The following LRBA variants were observed in gnomAD, a reference collection of about 807,000 sequenced individuals.
LRBA encodes LPS responsive beige-like anchor protein, also known as lipopolysaccharide-responsive and beige-like anchor protein.
In LRBA, 176 loss-of-function variants were observed where a neutral mutation model predicts 330.0. That is an observed-to-expected ratio of 0.53 (90% CI 0.47 to 0.60). LRBA has a LOEUF of 0.60. LRBA is among the 20% of genes least tolerant of loss of function. The pLI, the probability that LRBA is intolerant of heterozygous loss-of-function variation, is 0.00. For synonymous variants in LRBA, 1,230 were observed against 1,193.0 expected, an observed-to-expected ratio of 1.03 and a Z score of -0.64; for missense variants, 3,259 against 3,444.8, an observed-to-expected ratio of 0.95 and a Z score of 1.35.
chr4:150,691,083 C>A (rs2126952390), intron 36 of LRBA, among the ~76,000 whole-genome samples: 1 of 152,098 alleles, frequency 6.6e-6, no homozygotes, highest in South Asian at 2.1e-4. Context: ...GCGCCTGCCA[C>A]CATGCCCAGC....
chr4:150,962,578 G>A lies in LRBA; in HGVS notation c.217-33513C>T, dbSNP rs578173591. Among the ~76,000 whole-genome samples, 20 of 149,182 alleles carry A rather than the reference G, an allele frequency of 1.3e-4. 4 individuals are homozygous for A. Among genetic ancestry groups the A allele is most frequent in the African/African-American group, 4.7e-4 (18 of 38,654 alleles). On this transcript the variant is annotated intron_variant, in intron 2 of 56. Coordinates refer to ENST00000651943, the MANE Select transcript of LRBA (RefSeq NM_001364905.1). ...AAGCATAGAACTTTAAGGAAGTTCT[G>A]AGTAAGAAAAGCCTTTCTATGTATG...
intron 29 of LRBA, among the ~76,000 whole-genome samples, chr4:150,830,930 A>T (rs1165390206): frequency 1.3e-5 from 2 of 151,458 alleles, no homozygotes; most frequent in Non-Finnish European, 2.9e-5. Flanking sequence ...TGCCTGGCTA[A>T]TTTTTTGTAT....
At chr4:150,901,120 A>C (rs753804723) in intron 13 of LRBA, among the ~76,000 whole-genome samples, 2 of 152,008 alleles carry the variant, frequency 1.3e-5, no homozygotes, top group Non-Finnish European at 2.9e-5. Flanking sequence ...CAACATCGTG[A>C]AACTTCGTCT....
intron 37 of LRBA, among the ~76,000 whole-genome samples, chr4:150,665,803 A>G (rs1781507280): frequency 6.6e-6 from 1 of 152,218 alleles, no homozygotes. Context: ...ACAATTCAAT[A>G]TGGTTTTCTC....
At chr4:150,478,103 C>T (rs1756917561) in intron 42 of LRBA, among the ~76,000 whole-genome samples, 1 of 152,030 alleles carries the variant, frequency 6.6e-6, no homozygotes, top group Admixed American at 6.6e-5. Context: ...CTGGATGTAG[C>T]TCTAGTTCCT....
intron 53 of LRBA, among the ~76,000 whole-genome samples, chr4:150,299,643 T>C (rs577193789): frequency 1.4e-4 from 22 of 152,020 alleles, no homozygotes; most frequent in African/African-American, 5.3e-4. Flanking sequence ...ACATCAATAT[T>C]AGATATGGAA....
At position 150,841,074 on chromosome 4, in the gene LRBA, AC is replaced by A. The variant is rs1215087239; in HGVS notation, c.4569+3025del. Reference sequence around the variant, plus strand: ...TTAGTCTGTTGGAAAAAACAAAGGTACATTTGTCTTTTTTATAAACCACCCC... The same window carrying A: ...TTAGTCTGTTGGAAAAAACAAAGGTAATTTGTCTTTTTTATAAACCACCCC... On this transcript the variant is annotated intron_variant, in intron 28 of 56. Transcript: ENST00000651943. 4.7e-6 allele frequency: 4 copies of A among 842,760 alleles called. 1 individual carries two copies. The South Asian group carries it at 7.1e-5, about 15-fold the overall frequency. 52.2% of individuals were successfully genotyped at this position (842,760 alleles called of 1,614,324 possible).
intron 36 of LRBA, among the ~76,000 whole-genome samples, chr4:150,704,913 T>G (rs1785470324): frequency 6.6e-6 from 1 of 152,194 alleles, no homozygotes; most frequent in South Asian, 2.1e-4. Flanking sequence ...TAGACTAAGA[T>G]TTCAGTATTT....
At chr4:150,781,164 C>T (rs1225502731) in intron 34 of LRBA, among the ~76,000 whole-genome samples, 1 of 152,206 alleles carries the variant, frequency 6.6e-6, no homozygotes, top group Non-Finnish European at 1.5e-5. Flanking sequence ...CAGGCGTGAG[C>T]CACCACGCCC....
chr4:150,796,168 C>A (rs957217625), intron 34 of LRBA, among the ~76,000 whole-genome samples: 1 of 151,882 alleles, frequency 6.6e-6, no homozygotes, highest in Non-Finnish European at 1.5e-5. Flanking sequence ...CAAACTCAAG[C>A]CATCCCCACC....
At chr4:150,831,755 C>A (rs2126826274) in intron 29 of LRBA, 62 bp downstream of exon 29, 3 of 1,256,928 alleles carry the variant, frequency 2.4e-6, no homozygotes, top group South Asian at 1.7e-5. Context: ...ATATTTTAAC[C>A]ATCAAAAGTA....
chr4:150,559,086 C>G (rs1232311106), intron 40 of LRBA, among the ~76,000 whole-genome samples: 2 of 152,030 alleles, frequency 1.3e-5, no homozygotes, highest in Non-Finnish European at 2.9e-5. Context: ...AGACGTATAA[C>G]CTGAATCCAA....
intron 17 of LRBA, among the ~76,000 whole-genome samples, chr4:150,888,570 T>C (rs928952059): frequency 6.6e-6 from 1 of 152,102 alleles, no homozygotes; most frequent in Non-Finnish European, 1.5e-5. Context: ...GGTAAAATAT[T>C]AACACTAGGT....
intron 48 of LRBA, among the ~76,000 whole-genome samples, chr4:150,335,504 C>T (rs199631902): frequency 7.2e-5 from 7 of 97,534 alleles, no homozygotes; most frequent in Non-Finnish European, 9.4e-5. Context: ...TATATATATA[C>T]ACACACATAT....
chr4:150,850,864 T>C lies in LRBA; in HGVS notation c.3864A>G (p.Ala1288=), dbSNP rs776461117. The change falls in exon 24 of 57, where the codon GCA becomes GCG. Residue 1288 remains alanine (A), a synonymous_variant. Coordinates refer to ENST00000651943, the MANE Select transcript of LRBA (RefSeq NM_001364905.1). The part of the protein sequence containing the change: ...RQHEQPGQGI[A]PDAVNGQRRD... ...TCCTTTGTCCATTAACTGCATCTGGTGCTATTCCTTGCCCTGGCTGCTCAT... is the reference window on the plus strand; with the variant it reads ...TCCTTTGTCCATTAACTGCATCTGGCGCTATTCCTTGCCCTGGCTGCTCAT... The C allele has an allele frequency of 3.7e-6, 6 of 1,613,280 alleles. No homozygotes were observed. The highest frequency in any genetic ancestry group is 5.1e-6 in the Non-Finnish European group (6 of 1,179,762).
At chr4:150,449,984 T>C (rs1753148766) in intron 44 of LRBA, among the ~76,000 whole-genome samples, 1 of 152,038 alleles carries the variant, frequency 6.6e-6, no homozygotes, top group South Asian at 2.1e-4. Context: ...AACACCCCAA[T>C]TAAAATGCAC....
intron 2 of LRBA, among the ~76,000 whole-genome samples, chr4:150,949,578 TGC>T (rs1736605644): frequency 6.6e-6 from 1 of 152,112 alleles, no homozygotes; most frequent in Non-Finnish European, 1.5e-5. Flanking sequence ...TGTCTTCAAC[TGC>T]ATGTGAATCA....
chr4:150,305,493 G>A (rs1444858910), intron 52 of LRBA, among the ~76,000 whole-genome samples: 2 of 152,176 alleles, frequency 1.3e-5, no homozygotes, highest in African/African-American at 2.4e-5. Flanking sequence ...TGTATACAGT[G>A]GTGAACAAAT....
intron 34 of LRBA, among the ~76,000 whole-genome samples, chr4:150,797,140 C>T (rs1740901122): frequency 6.6e-6 from 1 of 151,772 alleles, no homozygotes; most frequent in Non-Finnish European, 1.5e-5. Context: ...TTCTATGATT[C>T]TTTAATTTAT....
Sources: gnomAD v4.1 joint callset for allele counts (sites outside exome capture counted in the v4.1 genomes callset) on GRCh38, gnomAD v4.1.1 for gene constraint, MANE v1.5 for transcripts, NCBI Gene and HGNC (gene_info 2026-07-23, HGNC 2026-07-21) for gene names.